RELN: variants seen among roughly 807,000 people sequenced by gnomAD.
RELN encodes the protein reelin.
Under a neutral mutation model 427.6 loss-of-function variants are expected in RELN, and 108 were observed. The observed-to-expected ratio is 0.25, with a 90% confidence interval of 0.22 to 0.30. The LOEUF (loss-of-function observed/expected upper bound fraction) is 0.30, where lower values mean the gene tolerates loss of function less well. Ranked by LOEUF, RELN falls within the 10% of genes least tolerant of loss-of-function variation. RELN has a pLI of 1.00. For synonymous variants in RELN, 1,524 were observed against 1,513.4 expected (o/e 1.01, Z -0.16); for missense variants, 3,715 against 4,302.8 (o/e 0.86, Z 3.82).
chr7:103,583,374 CTG>C (rs1831198431), intron 28 of RELN, among the ~76,000 whole-genome samples: 1 of 152,210 alleles, frequency 6.6e-6, no homozygotes, highest in African/African-American at 2.4e-5. Flanking sequence ...CCTATTGATG[CTG>C]TCTCTCTGGA....
intron 8 of RELN, among the ~76,000 whole-genome samples, chr7:103,705,335 C>A (rs1348484511): frequency 6.6e-6 from 1 of 151,880 alleles, no homozygotes; most frequent in Non-Finnish European, 1.5e-5. Flanking sequence ...ATGACACCAC[C>A]CCAAATACAA....
At position 103,561,901 on chromosome 7, in the gene RELN, C is replaced by T; in HGVS notation, c.5263G>A (p.Asp1755Asn). The T allele has an allele frequency of 6.2e-7, 1 of 1,606,444 alleles. No homozygotes were observed. Among genetic ancestry groups the T allele is most frequent in the African/African-American group, 1.4e-5 (1 of 73,288 alleles). The part of the protein sequence containing the change: ...WIQANYTVGA[D>N]SWAIDNVVLA... ...ACAACATTATCAATCGCCCAGGAAT[C>T]AGCCCCCACAGTGTAGTTGGCCTGA... is the stretch of plus-strand genomic sequence containing the variant. Residue 1755 changes from aspartate (D) to asparagine (N), a missense_variant, in exon 35 of 65, where the codon GAT becomes AAT. Physicochemically the swap from Asp to Asn is conservative, Grantham distance 23 (BLOSUM62 1). Around this residue, in one of 4 missense-constraint regions of RELN, gnomAD observed 2,208 missense variants for 2,361.7 expected, o/e 0.93. Coordinates refer to ENST00000428762, the MANE Select transcript of RELN (RefSeq NM_005045.4).
At chr7:103,753,625 T>C (rs187214774) in intron 4 of RELN, among the ~76,000 whole-genome samples, 8 of 152,338 alleles carry the variant, frequency 5.3e-5, no homozygotes, top group East Asian at 1.9e-4. Context: ...AAGGGTTTAT[T>C]TGCAAACTAG....
intron 14 of RELN, among the ~76,000 whole-genome samples, chr7:103,652,303 G>A (rs1240846456): frequency 6.7e-6 from 1 of 149,900 alleles, no homozygotes; most frequent in East Asian, 2.0e-4. Flanking sequence ...GGTTGCCACA[G>A]CACATGCAAA....
At chr7:103,697,720 T>C in intron 10 of RELN, 133 bp downstream of exon 10, 10 of 1,192,166 alleles carry the variant, frequency 8.4e-6, no homozygotes, top group Non-Finnish European at 1.2e-5. Context: ...GTAATATAAA[T>C]AAGTATATTA....
rs769175660 is a variant in RELN, at chr7:103,472,887, C to T, written c.10308G>A (p.Met3436Ile). 1.2e-6 allele frequency: 2 copies of T among 1,613,848 alleles called. No homozygotes were observed. Among genetic ancestry groups the T allele is most frequent in the South Asian group, 2.2e-5 (2 of 91,060 alleles). Residue 3436 changes from methionine to isoleucine, a missense_variant, in exon 65 of 65, where the codon ATG becomes ATA. By Grantham distance (10) the Met-to-Ile change is conservative. This residue lies in a region of RELN where 195 missense variants were observed against 281.3 expected (regional missense o/e 0.69). Coordinates refer to ENST00000428762, the MANE Select transcript of RELN (RefSeq NM_005045.4). ...GCCCATGTTGTCGTGAAAAATTCATCATGTAATTTTGTTTGCGAGTGCTGT... is the reference window on the plus strand; with the variant it reads ...GCCCATGTTGTCGTGAAAAATTCATTATGTAATTTTGTTTGCGAGTGCTGT... ...VLVSTRKQNY[M>I]MNFSRQHGLR...
intron 24 of RELN, among the ~76,000 whole-genome samples, chr7:103,602,656 G>A (rs572412549): frequency 5.9e-5 from 9 of 151,996 alleles, no homozygotes; most frequent in African/African-American, 1.9e-4. Context: ...ACAGGGAGGG[G>A]AACATCACAC....
intron 22 of RELN, among the ~76,000 whole-genome samples, chr7:103,606,763 T>A (rs1831829784): frequency 6.6e-6 from 1 of 152,154 alleles, no homozygotes; most frequent in Non-Finnish European, 1.5e-5. Context: ...AGTAAATTAA[T>A]CCTTATATGC....
Position 103,518,505 on chromosome 7 carries a change from G to GTTTTTTTTTTTTTTTTTTT in RELN, c.7862+817_7862+818insAAAAAAAAAAAAAAAAAAA, listed in dbSNP as rs58239018. Among the ~76,000 whole-genome samples the GTTTTTTTTTTTTTTTTTTT allele has an allele frequency of 5.0e-3, 565 of 114,088 alleles. 47 individuals carry two copies. Among genetic ancestry groups the GTTTTTTTTTTTTTTTTTTT allele is most frequent in the East Asian group, 0.03 (104 of 3,464 alleles). The allele number at this position is 114,088 out of a possible 152,430, so 74.8% of individuals were successfully genotyped here. ...ATGCCACCACACCCAGGTAATTTAA[G>GTTTTTTTTTTTTTTTTTTT]TTTTTTTTTTTTTTGGTAAAATGTC... On this transcript the variant is annotated intron_variant, in intron 49 of 64. Transcript: ENST00000428762.
intron 3 of RELN, among the ~76,000 whole-genome samples, chr7:103,815,773 TGCA>T (rs1479383069): frequency 6.6e-6 from 1 of 152,214 alleles, no homozygotes. Flanking sequence ...TCCATGAGAA[TGCA>T]GCATTTCTTA....
intron 46 of RELN, among the ~76,000 whole-genome samples, chr7:103,533,919 T>G (rs576610552): frequency 6.6e-6 from 1 of 152,324 alleles, no homozygotes; most frequent in Admixed American, 6.5e-5. Context: ...TCTATTTTAC[T>G]TATTAAGATC....
In RELN at chr7:103,561,959, C is replaced by CAAAAAAAAAA; in HGVS notation, c.5211-16_5211-7dup. On this transcript the variant is annotated splice_region_variant and splice_polypyrimidine_tract_variant and intron_variant, in intron 34 of 64. Coordinates refer to ENST00000428762, the MANE Select transcript of RELN (RefSeq NM_005045.4). ...TGAACCGGGTCCTGGGAGAACTAAC[C>CAAAAAAAAAA]AAAAAAAAAAAAAAAAAAACACACC... is the stretch of plus-strand genomic sequence containing the variant. The CAAAAAAAAAA allele has an allele frequency of 2.3e-6, 3 of 1,314,148 alleles. No individual in the cohort carries two copies. The highest frequency in any genetic ancestry group is 1.9e-5 in the African/African-American group (1 of 52,438). The allele number at this position is 1,314,148 out of a possible 1,614,324, so 81.4% of individuals were successfully genotyped here. A position where few individuals can be genotyped will look rare whatever the true frequency, so the allele number is the denominator to read the frequency against.
chr7:103,741,512 G>A (rs1790654986), intron 6 of RELN, among the ~76,000 whole-genome samples: 1 of 151,878 alleles, frequency 6.6e-6, no homozygotes, highest in African/African-American at 2.4e-5. Context: ...GGGCTTAGAA[G>A]GGATAGTCTA....
chr7:103,611,008 A>T (rs1831941349), intron 21 of RELN, among the ~76,000 whole-genome samples: 1 of 152,194 alleles, frequency 6.6e-6, no homozygotes, highest in South Asian at 2.1e-4. Context: ...TGTAAGAAAT[A>T]ATTTCAAATG....
intron 12 of RELN, among the ~76,000 whole-genome samples, chr7:103,657,108 G>C (rs1833037858): frequency 6.6e-6 from 1 of 151,986 alleles, no homozygotes; most frequent in Non-Finnish European, 1.5e-5. Context: ...AATATTTACT[G>C]GATTAGGTAA....
intron 11 of RELN, among the ~76,000 whole-genome samples, chr7:103,671,689 T>C (rs1251618425): frequency 1.3e-5 from 2 of 152,192 alleles, no homozygotes; most frequent in Non-Finnish European, 2.9e-5. Flanking sequence ...CAGTACAGTA[T>C]GCAAAGTGTT....
chr7:103,472,414 C>A lies in RELN; in HGVS notation c.*398G>T. The A allele has an allele frequency of 3.9e-6, 1 of 256,316 alleles. No individual in the cohort carries two copies. The highest frequency in any genetic ancestry group is 7.6e-6 in the Non-Finnish European group (1 of 130,896). 15.9% of individuals were successfully genotyped at this position (256,316 alleles called of 1,614,324 possible). A position where few individuals can be genotyped will look rare whatever the true frequency, so the allele number is the denominator to read the frequency against. Reference sequence around the variant, plus strand: ...TAATCATATAAAACATGAGACATAGCCGAAATACAGTCCACTTAAATAGCT... The same window carrying A: ...TAATCATATAAAACATGAGACATAGACGAAATACAGTCCACTTAAATAGCT... On this transcript the variant is annotated 3_prime_UTR_variant, in exon 65 of 65. Transcript: ENST00000428762.
intron 2 of RELN, among the ~76,000 whole-genome samples, chr7:103,844,704 G>C (rs900101622): frequency 6.6e-6 from 1 of 152,016 alleles, no homozygotes. Flanking sequence ...GTTATAGATA[G>C]ATAATAAGAT....
chr7:103,879,797 A>G (rs942380024), intron 2 of RELN, among the ~76,000 whole-genome samples: 2 of 152,176 alleles, frequency 1.3e-5, no homozygotes, highest in Non-Finnish European at 2.9e-5. Flanking sequence ...TCTTTAGGAC[A>G]TATTTTAATT....
Sources: gnomAD v4.1 joint callset for allele counts (sites outside exome capture counted in the v4.1 genomes callset) on GRCh38, gnomAD v4.1.1 for gene constraint, gnomAD v4.1.1 regional missense constraint, MANE v1.5 for transcripts, NCBI Gene and HGNC (gene_info 2026-07-23, HGNC 2026-07-21) for gene names.